The following PALS2 variants were observed in gnomAD, a reference collection of about 807,000 sequenced individuals.
The protein encoded by PALS2 is protein associated with LIN7 2, MAGUK p55 family member.
Under a neutral mutation model 61.6 loss-of-function variants are expected in PALS2, and 27 were observed. The ratio of observed to expected loss-of-function variants is 0.44; its 90% CI spans 0.32 to 0.60. The LOEUF is 0.60. Among genes scored for constraint, PALS2 ranks in the 20% least tolerant of loss-of-function variants. The pLI, the probability that PALS2 is intolerant of heterozygous loss-of-function variation, is 0.05. For missense variants in PALS2, 554 were observed against 639.4 expected, an observed-to-expected ratio of 0.87 and a Z score of 1.44; for synonymous variants, 236 against 218.6, an observed-to-expected ratio of 1.08 and a Z score of -0.70.
At chr7:24,615,582 C>G (rs1784266577) in intron 1 of PALS2, among the ~76,000 whole-genome samples, 2 of 151,696 alleles carry the variant, frequency 1.3e-5, no homozygotes, top group South Asian at 4.2e-4. Context: ...TATGATACGA[C>G]TGAATCAGTA....
intron 7 of PALS2, 25 bp from the exon 8 acceptor site, chr7:24,665,995 GT>G: frequency 6.3e-7 from 1 of 1,579,354 alleles, no homozygotes; most frequent in South Asian, 1.1e-5. Context: ...TACTGCTTAA[GT>G]TATATTTGTT....
intron 1 of PALS2, among the ~76,000 whole-genome samples, chr7:24,615,412 C>A (rs112280801): frequency 6.6e-5 from 10 of 151,896 alleles, no homozygotes; most frequent in African/African-American, 2.4e-4. Context: ...CATGTCATAA[C>A]TGATATTACA....
rs1438883659 is a variant in PALS2 at position 24,668,383 on chromosome 7, C to T, written c.953-116C>T. On this transcript the variant is annotated intron_variant, in intron 8 of 11. Transcript: ENST00000222644. ...AAAACAAATCTATGCTAAGTGGGTA[C>T]AAGTCAAGTGATATTTAACTATCAA... is the stretch of plus-strand genomic sequence containing the variant. The T allele has an allele frequency of 1.9e-5, 17 of 917,412 alleles. No individual in the cohort carries two copies. The East Asian group carries it at 4.0e-4, about 22-fold the overall frequency. 56.8% of individuals were successfully genotyped at this position (917,412 alleles called of 1,614,324 possible). A position where few individuals can be genotyped will look rare whatever the true frequency, so the allele number is the denominator to read the frequency against.
chr7:24,575,725 TGAGA>T (rs922326743), intron 1 of PALS2, among the ~76,000 whole-genome samples: 6 of 152,164 alleles, frequency 3.9e-5, no homozygotes, highest in African/African-American at 9.7e-5. Flanking sequence ...ATATTATTGC[TGAGA>T]GAGTTACAAA....
chr7:24,687,666 C>T lies in PALS2; in HGVS notation c.*52C>T. The T allele has an allele frequency of 6.7e-7, 1 of 1,497,820 alleles. No individual in the cohort carries two copies. Among genetic ancestry groups the T allele is most frequent in the East Asian group, 2.3e-5 (1 of 42,882 alleles). 92.8% of individuals were successfully genotyped at this position (1,497,820 alleles called of 1,614,324 possible). ...TTAAACTCTTAAAAAGTGACTGCAA[C>T]AAATAAACCTTCTACTGAGAAAATA... On this transcript the variant is annotated 3_prime_UTR_variant, in exon 12 of 12. Transcript: ENST00000222644. The surrounding 1 kb of genome is among the most constrained non-coding windows in gnomAD (Gnocchi z 4.5).
At chr7:24,643,176 A>G (rs1452772098) in intron 3 of PALS2, among the ~76,000 whole-genome samples, 1 of 152,242 alleles carries the variant, frequency 6.6e-6, no homozygotes, top group East Asian at 1.9e-4. Context: ...AATGTTTTGG[A>G]CATACTTATG....
chr7:24,644,072 C>G (rs1387750922), intron 3 of PALS2, among the ~76,000 whole-genome samples: 1 of 150,790 alleles, frequency 6.6e-6, no homozygotes, highest in Non-Finnish European at 1.5e-5. Flanking sequence ...ATAATCCTTG[C>G]CTAAATCAAT....
Position 24,688,067 on chromosome 7 carries a change from A to G in PALS2, c.*453A>G, listed in dbSNP as rs941221276. On this transcript the variant is annotated 3_prime_UTR_variant, in exon 12 of 12. Coordinates refer to ENST00000222644, the MANE Select transcript of PALS2 (RefSeq NM_001303037.2). ...AGTCTTAATAGAAGAAAATATAGTT[A>G]TTGACCTTCCTTCTTATAAATTTCT... 6.6e-6 allele frequency: 1 copy of G among 152,392 alleles called. No homozygotes were observed. Among genetic ancestry groups the G allele is most frequent in the African/African-American group, 2.4e-5 (1 of 41,464 alleles). 9.4% of individuals were successfully genotyped at this position (152,392 alleles called of 1,614,324 possible). A position where few individuals can be genotyped will look rare whatever the true frequency, so the allele number is the denominator to read the frequency against.
At chr7:24,599,870 A>G (rs973926068) in intron 1 of PALS2, among the ~76,000 whole-genome samples, 8 of 151,922 alleles carry the variant, frequency 5.3e-5, no homozygotes, top group African/African-American at 1.7e-4. Flanking sequence ...CTAAGATGCA[A>G]ACACATTAGC....
At chr7:24,644,115 T>A (rs1785707429) in intron 3 of PALS2, among the ~76,000 whole-genome samples, 1 of 151,682 alleles carries the variant, frequency 6.6e-6, no homozygotes, top group African/African-American at 2.4e-5. Context: ...TTTTTTTACT[T>A]TTGTTTTAGG....
Position 24,638,240 on chromosome 7 carries a change from G to A in PALS2, c.118-3476G>A, listed in dbSNP as rs186255802. ...TAAAATTGATCCCAGTTGAATCCAA[G>A]TATGTTGGTTTTCCATGTTAATATA... On this transcript the variant is annotated intron_variant, in intron 2 of 11. Coordinates refer to ENST00000222644, the MANE Select transcript of PALS2 (RefSeq NM_001303037.2). 4.2e-3 allele frequency among the ~76,000 whole-genome samples: 627 copies of A among 150,250 alleles called. 6 individuals are homozygous for A. The highest frequency in any genetic ancestry group is 7.7e-3 in the Non-Finnish European group (516 of 67,408).
Position 24,692,779 on chromosome 7 carries a change from C to A in PALS2, c.*5165C>A, listed in dbSNP as rs368438618. ...CTCGGTTACACCAGAAGACTCTGAT[C>A]TTTGCCCCCGAAAACTGTCCTACTT... is the stretch of plus-strand genomic sequence containing the variant. On this transcript the variant is annotated 3_prime_UTR_variant, in exon 12 of 12. Coordinates refer to ENST00000222644, the MANE Select transcript of PALS2 (RefSeq NM_001303037.2). 1.3e-5 allele frequency: 2 copies of A among 152,150 alleles called. No individual in the cohort carries two copies. Among genetic ancestry groups the A allele is most frequent in the African/African-American group, 4.8e-5 (2 of 41,448 alleles). 9.4% of individuals were successfully genotyped at this position (152,150 alleles called of 1,614,324 possible). A position where few individuals can be genotyped will look rare whatever the true frequency, so the allele number is the denominator to read the frequency against.
At chr7:24,664,837 A>C (rs577427460) in intron 6 of PALS2, among the ~76,000 whole-genome samples, 1 of 152,046 alleles carries the variant, frequency 6.6e-6, no homozygotes, top group East Asian at 1.9e-4. Flanking sequence ...TCCTATGAAT[A>C]CGATCTCTTA....
Position 24,624,067 on chromosome 7 carries a change from G to A in PALS2, c.117+283G>A, listed in dbSNP as rs1373577424. On this transcript the variant is annotated intron_variant, in intron 2 of 11. Coordinates refer to ENST00000222644, the MANE Select transcript of PALS2 (RefSeq NM_001303037.2). The stretch of plus-strand genomic sequence containing the variant: ...GCACAGTTGTGTTTTAACAGGGCCT[G>A]TGAAAAAGATCCTGATCCTATTTCC... The A allele has an allele frequency of 5.2e-6, 7 of 1,341,942 alleles. No individual in the cohort carries two copies. The South Asian group carries it at 6.2e-5, about 12-fold the overall frequency. The allele number at this position is 1,341,942 out of a possible 1,614,324, so 83.1% of individuals were successfully genotyped here.
chr7:24,608,235 A>G (rs943850678), intron 1 of PALS2, among the ~76,000 whole-genome samples: 3 of 152,146 alleles, frequency 2.0e-5, no homozygotes, highest in Non-Finnish European at 4.4e-5. Flanking sequence ...CTTTTACATT[A>G]ACATTTTTCT....
chr7:24,670,357 C>T (rs975656239), intron 9 of PALS2, among the ~76,000 whole-genome samples: 1 of 151,204 alleles, frequency 6.6e-6, no homozygotes, highest in African/African-American at 2.4e-5. Context: ...TCCTGGAGAC[C>T]TCTGTCTCAG....
intron 2 of PALS2, among the ~76,000 whole-genome samples, chr7:24,630,351 G>T (rs183304367): frequency 6.6e-6 from 1 of 152,216 alleles, no homozygotes; most frequent in East Asian, 1.9e-4. Context: ...GGCAAGGGGA[G>T]GGGGGATAGC....
At chr7:24,595,455 A>T (rs1048545847) in intron 1 of PALS2, among the ~76,000 whole-genome samples, 1 of 137,638 alleles carries the variant, frequency 7.3e-6, no homozygotes, top group African/African-American at 2.7e-5. Flanking sequence ...AATATATAAT[A>T]TATATAAATA....
At chr7:24,578,216 A>C (rs924748136) in intron 1 of PALS2, among the ~76,000 whole-genome samples, 1 of 152,100 alleles carries the variant, frequency 6.6e-6, no homozygotes. Flanking sequence ...GCCTCAAAGC[A>C]CTGGGATCAT....
Sources: allele counts gnomAD v4.1 joint callset (sites outside exome capture counted in the v4.1 genomes callset), GRCh38; gene constraint gnomAD v4.1.1; non-coding constraint Gnocchi (gnomAD v3.1); transcripts MANE v1.5; gene names NCBI Gene and HGNC (gene_info 2026-07-23, HGNC 2026-07-21).